Variants in PIGU observed in about 807,000 individuals in gnomAD.
PIGU encodes the protein GPI-anchor transamidase component PIGU.
A neutral mutation model predicts 49.9 loss-of-function variants in PIGU; 24 were observed. The observed-to-expected ratio is 0.48, with a 90% confidence interval of 0.35 to 0.68. The LOEUF (loss-of-function observed/expected upper bound fraction) is 0.68. Among genes scored for constraint, PIGU ranks in the 30% least tolerant of loss-of-function variants. The probability of loss-of-function intolerance (pLI) is 0.01; values close to 1 mark genes in which losing one functional copy is unlikely to be tolerated. For missense variants in PIGU, 490 were observed against 532.6 expected, an observed-to-expected ratio of 0.92 and a Z score of 0.79; for synonymous variants, 220 against 205.7, an observed-to-expected ratio of 1.07 and a Z score of -0.59.
intron 7 of PIGU, among the ~76,000 whole-genome samples, chr20:34,609,185 G>A (rs1568637423): frequency 6.6e-6 from 1 of 152,084 alleles, no homozygotes; most frequent in African/African-American, 2.4e-5. Context: ...GCACATGACT[G>A]TAGTCCCAGC....
intron 4 of PIGU, among the ~76,000 whole-genome samples, chr20:34,639,127 C>T (rs570106498): frequency 6.6e-6 from 1 of 152,252 alleles, no homozygotes; most frequent in Admixed American, 6.5e-5. Context: ...GGGGGCCAGG[C>T]ATGGTGGCTC....
At chr20:34,644,021 A>G in intron 4 of PIGU, 143 bp downstream of exon 4, 1 of 678,052 alleles carries the variant, frequency 1.5e-6, no homozygotes, top group Non-Finnish European at 2.6e-6. Flanking sequence ...ATCATTCCAG[A>G]GCTGGCTGAA....
At chr20:34,627,738 T>C (rs1985547358) in intron 6 of PIGU, among the ~76,000 whole-genome samples, 1 of 152,114 alleles carries the variant, frequency 6.6e-6, no homozygotes, top group Non-Finnish European at 1.5e-5. Flanking sequence ...GGCTGCTGCG[T>C]ATATTGTTTA....
At chr20:34,565,463 T>C (rs1982708357) in intron 11 of PIGU, among the ~76,000 whole-genome samples, 1 of 152,000 alleles carries the variant, frequency 6.6e-6, no homozygotes, top group Non-Finnish European at 1.5e-5. Flanking sequence ...GGTTTCACCA[T>C]GATAGCCAGG....
chr20:34,572,183 CTATT>C (rs1373848143), intron 11 of PIGU, among the ~76,000 whole-genome samples: 3 of 151,990 alleles, frequency 2.0e-5, no homozygotes, highest in African/African-American at 4.8e-5. Flanking sequence ...TATTTATTTA[CTATT>C]TATTATTACT....
intron 6 of PIGU, among the ~76,000 whole-genome samples, chr20:34,616,606 C>G (rs6088542): frequency 6.6e-6 from 1 of 151,806 alleles, no homozygotes; most frequent in Non-Finnish European, 1.5e-5. Context: ...ATTTAGGTCA[C>G]GTTTTTTCTT....
intron 5 of PIGU, 96 bp downstream of exon 5, chr20:34,637,780 C>A: frequency 1.9e-6 from 3 of 1,576,914 alleles, no homozygotes; most frequent in Non-Finnish European, 2.6e-6. Context: ...ACTAAGATTG[C>A]AAATCTCCAA....
chr20:34,585,416 G>A (rs755130406), intron 9 of PIGU, 21 bp downstream of exon 9: 8 of 1,613,160 alleles, frequency 5.0e-6, no homozygotes, highest in Non-Finnish European at 8.5e-7. Flanking sequence ...ACACACAGCA[G>A]CAGCAGGTCC....
rs1271597730 is a variant in PIGU at position 34,560,647 on chromosome 20, G to T, written c.*219C>A. Reference sequence around the variant, plus strand: ...GGGAGGGGGCTCCTTGGTGTGCAGAGCCACAAGGTGGGGGTCCAAGTTGGG... The same window carrying T: ...GGGAGGGGGCTCCTTGGTGTGCAGATCCACAAGGTGGGGGTCCAAGTTGGG... On this transcript the variant is annotated 3_prime_UTR_variant, in exon 12 of 12. Coordinates refer to ENST00000217446, the MANE Select transcript of PIGU (RefSeq NM_080476.5). 2 of 461,414 alleles carry T rather than the reference G, an allele frequency of 4.3e-6. No individual in the cohort carries two copies. The highest frequency in any genetic ancestry group is 4.0e-5 in the Admixed American group (1 of 24,974). The allele number at this position is 461,414 out of a possible 1,614,324, so 28.6% of individuals were successfully genotyped here.
At chr20:34,649,993 C>T (rs992078135) in intron 2 of PIGU, among the ~76,000 whole-genome samples, 8 of 151,706 alleles carry the variant, frequency 5.3e-5, no homozygotes, top group Non-Finnish European at 8.8e-5. Flanking sequence ...GGACTACAGG[C>T]GCCCGCCACC....
intron 5 of PIGU, among the ~76,000 whole-genome samples, chr20:34,636,263 C>T (rs1364761683): frequency 6.7e-6 from 1 of 148,848 alleles, no homozygotes; most frequent in African/African-American, 2.5e-5. Flanking sequence ...AAAGAATCGG[C>T]CAGGAGCAAT....
At position 34,645,092 on chromosome 20, in the gene PIGU, G is replaced by A. The variant is rs187855927; in HGVS notation, c.255+183C>T. On this transcript the variant is annotated intron_variant, in intron 3 of 11. Transcript: ENST00000217446. ...TGACAAGCCGGGCACTGTGTCATGT[G>A]TCCATAGTCCCAGCAGCTGAGGAGG... 8.2e-3 allele frequency among the ~76,000 whole-genome samples: 1,238 copies of A among 150,168 alleles called. 24 individuals are homozygous for A. Among genetic ancestry groups the A allele is most frequent in the African/African-American group, 0.029 (1,197 of 40,808 alleles).
At chr20:34,622,179 C>T (rs1487344767) in intron 6 of PIGU, among the ~76,000 whole-genome samples, 1 of 152,156 alleles carries the variant, frequency 6.6e-6, no homozygotes, top group Non-Finnish European at 1.5e-5. Flanking sequence ...TATCTGTACA[C>T]TAATGAGTTA....
At chr20:34,584,968 G>A (rs564124891) in intron 9 of PIGU, among the ~76,000 whole-genome samples, 13 of 152,170 alleles carry the variant, frequency 8.5e-5, no homozygotes, top group Non-Finnish European at 1.5e-4. Context: ...GATTATATGC[G>A]TGAGCCACTG....
chr20:34,653,657 A>T (rs1245946955), intron 2 of PIGU, among the ~76,000 whole-genome samples: 1 of 152,172 alleles, frequency 6.6e-6, no homozygotes, highest in East Asian at 1.9e-4. Context: ...TAAAGGAAGG[A>T]CAGAAGGGAG....
At chr20:34,561,634 G>A (rs1982517703) in intron 11 of PIGU, among the ~76,000 whole-genome samples, 1 of 152,034 alleles carries the variant, frequency 6.6e-6, no homozygotes, top group Non-Finnish European at 1.5e-5. Context: ...ACATCTGATG[G>A]TGTTACTTCC....
chr20:34,632,637 T>C (rs1488762233), intron 6 of PIGU, among the ~76,000 whole-genome samples: 1 of 152,096 alleles, frequency 6.6e-6, no homozygotes, highest in East Asian at 1.9e-4. Context: ...AGTGCTGGGA[T>C]TACAGGTGTA....
At position 34,585,556 on chromosome 20, in the gene PIGU, T is replaced by C; in HGVS notation, c.807A>G (p.Pro269=). 6.2e-7 allele frequency: 1 copy of C among 1,613,778 alleles called. No homozygotes were observed. The change falls in exon 9 of 12, where the codon CCA becomes CCG. Residue 269 remains proline (P), a synonymous_variant. Transcript: ENST00000217446. The part of the protein sequence containing the change: ...GFILSVPDLT[P]NIGLFWYFFA... ...AGAAGTACCAGAAAAGACCAATGTT[T>C]GGAGTGAGATCTGGAACAGAAAGTC... is the stretch of plus-strand genomic sequence containing the variant.
intron 2 of PIGU, among the ~76,000 whole-genome samples, chr20:34,646,664 C>T (rs999730390): frequency 6.6e-6 from 1 of 152,188 alleles, no homozygotes; most frequent in Non-Finnish European, 1.5e-5. Context: ...CTGGCTCAGA[C>T]TCCCGAACTG....
Sources: allele counts gnomAD v4.1 joint callset (sites outside exome capture counted in the v4.1 genomes callset), GRCh38; gene constraint gnomAD v4.1.1; transcripts MANE v1.5; gene names NCBI Gene and HGNC (gene_info 2026-07-23, HGNC 2026-07-21).